Variants in ZNF423 observed in about 807,000 individuals in gnomAD.
ZNF423 encodes the protein zinc finger protein 423.
In ZNF423, 12 loss-of-function variants were observed where a neutral mutation model predicts 95.8. The ratio of observed to expected loss-of-function variants is 0.13; its 90% CI spans 0.08 to 0.20. The LOEUF (loss-of-function observed/expected upper bound fraction) is 0.20. Ranked by LOEUF, ZNF423 falls within the 10% of genes least tolerant of loss-of-function variation. The pLI, the probability that ZNF423 is intolerant of heterozygous loss-of-function variation, is 1.00. For synonymous variants in ZNF423, 749 were observed against 711.9 expected (o/e 1.05, Z -0.83); for missense variants, 1,316 against 1,737.1 (o/e 0.76, Z 4.31).
intron 1 of ZNF423, among the ~76,000 whole-genome samples, chr16:49,833,347 C>T (rs560399249): frequency 1.5e-4 from 23 of 152,316 alleles, no homozygotes; most frequent in African/African-American, 2.9e-4. Context: ...CTCCAGACCC[C>T]GGTATTTATA....
intron 5 of ZNF423, among the ~76,000 whole-genome samples, chr16:49,577,116 G>A (rs1448937334): frequency 6.6e-6 from 1 of 152,168 alleles, no homozygotes; most frequent in Non-Finnish European, 1.5e-5. Flanking sequence ...GCAGACAATG[G>A]AAGACCTGGG....
At chr16:49,631,965 A>T (rs1462021668) in intron 4 of ZNF423, among the ~76,000 whole-genome samples, 1 of 152,104 alleles carries the variant, frequency 6.6e-6, no homozygotes, top group African/African-American at 2.4e-5. Flanking sequence ...CATGTCCCAG[A>T]TCTCCTGCCA....
At chr16:49,801,481 T>C (rs1360083177) in intron 1 of ZNF423, among the ~76,000 whole-genome samples, 1 of 152,232 alleles carries the variant, frequency 6.6e-6, no homozygotes, top group Non-Finnish European at 1.5e-5. Context: ...TCCTGGACAA[T>C]GCTGCCCACC....
chr16:49,637,499 C>A lies in ZNF423; in HGVS notation c.1677G>T (p.Pro559=). ...TGAAGGACTGCGTGGGCTGCACCAC[C>A]GGAGACTCTAGTTTGGCACTGCCCA... The part of the protein sequence containing the change: ...CSVGSAKLES[P]VVQPTQSFME... Residue 559 remains proline (P), a synonymous_variant, in exon 4 of 8, where the codon CCG becomes CCT. Transcript: ENST00000563137. This position sits in a 1 kb window ranked among gnomAD's most constrained non-coding sequence, Gnocchi z 5.6. 6.2e-7 allele frequency: 1 copy of A among 1,613,992 alleles called. No homozygotes were observed. The highest frequency in any genetic ancestry group is 8.5e-7 in the Non-Finnish European group (1 of 1,180,006).
intron 2 of ZNF423, among the ~76,000 whole-genome samples, chr16:49,737,183 A>C (rs555427236): frequency 3.3e-5 from 5 of 152,182 alleles, no homozygotes; most frequent in African/African-American, 1.2e-4. Context: ...AGGAAAAAAA[A>C]AAAACAAGGC....
chr16:49,659,061 G>A (rs1286137045), intron 3 of ZNF423, among the ~76,000 whole-genome samples: 1 of 152,194 alleles, frequency 6.6e-6, no homozygotes, highest in Non-Finnish European at 1.5e-5. Context: ...ATTAGTCTTT[G>A]ATGTTTTACT....
At chr16:49,813,841 A>G (rs1425363733) in intron 1 of ZNF423, among the ~76,000 whole-genome samples, 5 of 152,244 alleles carry the variant, frequency 3.3e-5, no homozygotes, top group African/African-American at 1.2e-4. Context: ...CAGCTGACTC[A>G]GAAGCCACCC....
intron 1 of ZNF423, among the ~76,000 whole-genome samples, chr16:49,791,536 A>G (rs1387488963): frequency 2.6e-5 from 4 of 152,192 alleles, no homozygotes; most frequent in African/African-American, 4.8e-5. Context: ...GCCAGTGTGC[A>G]AGGTTACCAT....
At chr16:49,526,331 C>T (rs899189723) in intron 5 of ZNF423, among the ~76,000 whole-genome samples, 44 of 152,210 alleles carry the variant, frequency 2.9e-4, no homozygotes, top group Non-Finnish European at 1.0e-4. Context: ...CAGGCAAACT[C>T]GCCATCCTGC....
chr16:49,582,506 G>C (rs1386895540), intron 5 of ZNF423, among the ~76,000 whole-genome samples: 1 of 152,176 alleles, frequency 6.6e-6, no homozygotes, highest in Admixed American at 6.5e-5. Context: ...GAACCAAATG[G>C]GTTGAAATAG....
chr16:49,698,381 A>G (rs1218429967), intron 3 of ZNF423, among the ~76,000 whole-genome samples: 7 of 152,134 alleles, frequency 4.6e-5, no homozygotes, highest in African/African-American at 1.7e-4. Flanking sequence ...ATTAATTGCC[A>G]AGAAAACACA....
Position 49,638,015 on chromosome 16 carries a change from C to T in ZNF423, c.1161G>A (p.Glu387=). The T allele has an allele frequency of 6.2e-7, 1 of 1,614,134 alleles. No homozygotes were observed. The highest frequency in any genetic ancestry group is 1.3e-5 in the African/African-American group (1 of 75,070). Residue 387 remains glutamate (E), a synonymous_variant, in exon 4 of 8, where the codon GAG becomes GAA. Coordinates refer to ENST00000563137, the MANE Select transcript of ZNF423 (RefSeq NM_001379286.1). The surrounding 1 kb of genome is among the most constrained non-coding windows in gnomAD (Gnocchi z 5.6). ...AGGTGGAGTCCGGGGTGGAGCCACG[C>T]TCCACAGAGGCGCTGGAGTCGGGTG... ...SATPDSSASV[E]RGSTPDSTLK...
rs143466958 is a variant in ZNF423 at position 49,545,084 on chromosome 16, G to A, written c.3602-19590C>T. Among the ~76,000 whole-genome samples, 413 of 152,362 alleles carry A rather than the reference G, an allele frequency of 2.7e-3. 3 individuals carry two copies. The highest frequency in any genetic ancestry group is 4.5e-3 in the Non-Finnish European group (309 of 68,040). On this transcript the variant is annotated intron_variant, in intron 5 of 7. Coordinates refer to ENST00000563137, the MANE Select transcript of ZNF423 (RefSeq NM_001379286.1). ...TGAGGTAAAGTGATTGTCCCACGTG[G>A]CTGATCCAGGACCGAAATGCAACTC... is the stretch of plus-strand genomic sequence containing the variant.
intron 2 of ZNF423, among the ~76,000 whole-genome samples, chr16:49,784,129 G>A (rs1038749790): frequency 6.6e-6 from 1 of 152,136 alleles, no homozygotes; most frequent in African/African-American, 2.4e-5. Context: ...AATGTAAAAC[G>A]CCTGGGAAGG....
chr16:49,520,674 CT>C (rs1340294256), intron 7 of ZNF423, among the ~76,000 whole-genome samples: 1 of 152,202 alleles, frequency 6.6e-6, no homozygotes, highest in Non-Finnish European at 1.5e-5. Flanking sequence ...TCCAGCTGGC[CT>C]TGCCTCCCAC....
At chr16:49,540,532 CG>C (rs1449994021) in intron 5 of ZNF423, among the ~76,000 whole-genome samples, 1 of 152,048 alleles carries the variant, frequency 6.6e-6, no homozygotes, top group African/African-American at 2.4e-5. Flanking sequence ...CCTTTCACCT[CG>C]GCCTCCCCAT....
intron 5 of ZNF423, among the ~76,000 whole-genome samples, chr16:49,620,792 C>G (rs1972050062): frequency 6.6e-6 from 1 of 152,226 alleles, no homozygotes; most frequent in South Asian, 2.1e-4. Flanking sequence ...ATCCAGCCAT[C>G]CCCACCCAAA....
rs1596934614 is a variant in ZNF423 at position 49,729,421 on chromosome 16, C to T, written c.301+1350G>A. ...TGGCCACCAAACAGATATGTGACCC[C>T]GGCCAAGCAATCACCTTTTCCTCCC... On this transcript the variant is annotated intron_variant, in intron 3 of 7. Coordinates refer to ENST00000563137, the MANE Select transcript of ZNF423 (RefSeq NM_001379286.1). Among the ~76,000 whole-genome samples the T allele has an allele frequency of 3.3e-5, 5 of 152,152 alleles. No individual in the cohort carries two copies. The South Asian group carries it at 6.2e-4, about 19-fold the overall frequency.
In ZNF423 at chr16:49,638,964, T is replaced by A. The variant is rs572754180; in HGVS notation, c.302-90A>T. ...GCCAGCTTCTCGACAGCACGCGGGC[T>A]GAGGCTGTGCAGCTGGCCAACGGCT... On this transcript the variant is annotated intron_variant, in intron 3 of 7. Coordinates refer to ENST00000563137, the MANE Select transcript of ZNF423 (RefSeq NM_001379286.1). This position sits in a 1 kb window ranked among gnomAD's most constrained non-coding sequence, Gnocchi z 5.6. The A allele has an allele frequency of 1.4e-6, 2 of 1,472,962 alleles. No individual in the cohort carries two copies. Among genetic ancestry groups the A allele is most frequent in the South Asian group, 2.8e-5 (2 of 70,318 alleles). 91.2% of individuals were successfully genotyped at this position (1,472,962 alleles called of 1,614,324 possible).
Sources: allele counts gnomAD v4.1 joint callset (sites outside exome capture counted in the v4.1 genomes callset), GRCh38; gene constraint gnomAD v4.1.1; non-coding constraint Gnocchi (gnomAD v3.1); transcripts MANE v1.5; gene names NCBI Gene and HGNC (gene_info 2026-07-23, HGNC 2026-07-21).